Variants in CLEC20A observed in about 807,000 individuals in gnomAD.
CLEC20A encodes putative C-type lectin domain family 20 member A.
At chr1:178,487,587 G>T (rs919061932) in intron 5 of CLEC20A, among the ~76,000 whole-genome samples, 3 of 152,306 alleles carry the variant, frequency 2.0e-5, no homozygotes, top group African/African-American at 7.2e-5. Context: ...TACAGGGGGG[G>T]ATGCTCCCCT....
intron 7 of CLEC20A, chr1:178,481,541 TC>T (rs1648986527): frequency 1.3e-5 from 2 of 152,198 alleles, no homozygotes; most frequent in Non-Finnish European, 2.9e-5. Flanking sequence ...GAAGCTTTTC[TC>T]TCAGTATTTA....
intron 7 of CLEC20A, chr1:178,480,651 G>A (rs1039311029): frequency 7.9e-5 from 12 of 152,184 alleles, no homozygotes; most frequent in African/African-American, 1.7e-4. Context: ...GCGTGGTGGC[G>A]GGCACCTGTA....
chr1:178,498,232 C>T (rs1157450026), upstream of CLEC20A, among the ~76,000 whole-genome samples: 3 of 152,006 alleles, frequency 2.0e-5, no homozygotes, highest in South Asian at 4.2e-4. Flanking sequence ...GTGATGGCCC[C>T]GACAAGTTCT....
chr1:178,499,529 C>T (rs1340697239), upstream of CLEC20A: 1 of 152,210 alleles, frequency 6.6e-6, no homozygotes, highest in Non-Finnish European at 1.5e-5. Context: ...TTGGCCTCAA[C>T]ATACATCGTT....
At chr1:178,483,399 A>G in intron 5 of CLEC20A, 117 bp from the exon 6 acceptor site, 1 of 395,338 alleles carries the variant, frequency 2.5e-6, no homozygotes, top group East Asian at 3.6e-5. Flanking sequence ...CTAGGCACAC[A>G]GTTGCTGCAG....
chr1:178,487,087 GCTGCGCCCGGGAC>G lies in CLEC20A; in HGVS notation c.928+1401_928+1413del, dbSNP rs1408450979. Reference sequence around the variant, plus strand: ...CAGAGAGAAGACTTCTGTGGGGTCCGCTGCGCCCGGGACCCCTCCCAAAGCCGAGGGCAAGAAG... The same window carrying G: ...CAGAGAGAAGACTTCTGTGGGGTCCGCCCTCCCAAAGCCGAGGGCAAGAAG... On this transcript the variant is annotated intron_variant, in intron 5 of 7. Coordinates refer to ENST00000623247, the Ensembl canonical transcript of CLEC20A. Among the ~76,000 whole-genome samples the G allele has an allele frequency of 2.6e-5, 4 of 152,294 alleles. No homozygotes were observed. The East Asian group carries it at 5.8e-4, about 22-fold the overall frequency.
At chr1:178,490,571 C>T (rs1020262061) in intron 3 of CLEC20A, 134 bp from the exon 4 acceptor site, 2 of 396,980 alleles carry the variant, frequency 5.0e-6, no homozygotes, top group Admixed American at 8.8e-5. Context: ...TAGATTTGAT[C>T]AAAACAACAG....
Position 178,488,482 on chromosome 1 carries a change from A to G in CLEC20A, c.928+19T>C. On this transcript the variant is annotated intron_variant, in intron 5 of 7. Coordinates refer to ENST00000623247, the Ensembl canonical transcript of CLEC20A. ...AGACCCTGAAGACCCAGATCCAGCC[A>G]AGGGCAGGCTCAAAGCACCTCTGCC... 2.5e-6 allele frequency: 1 copy of G among 398,780 alleles called. No homozygotes were observed. Among genetic ancestry groups the G allele is most frequent in the Non-Finnish European group, 4.4e-6 (1 of 226,148 alleles). 24.7% of individuals were successfully genotyped at this position (398,780 alleles called of 1,614,324 possible).
chr1:178,482,475 G>A (rs185456630), intron 6 of CLEC20A, 78 bp from the exon 7 acceptor site: 22 of 397,722 alleles, frequency 5.5e-5, no homozygotes, highest in African/African-American at 3.1e-4. Flanking sequence ...AGGAGCACCC[G>A]GTGGACACCA....
At chr1:178,486,862 G>A (rs1247850559) in intron 5 of CLEC20A, 18 of 398,262 alleles carry the variant, frequency 4.5e-5, no homozygotes, top group Non-Finnish European at 7.1e-5. Flanking sequence ...GGTGCCCCCC[G>A]GGGCCGCGAG....
intron 5 of CLEC20A, 164 bp from the exon 6 acceptor site, chr1:178,483,446 C>T (rs929745023): frequency 2.0e-5 from 8 of 392,412 alleles, no homozygotes; most frequent in Non-Finnish European, 3.1e-5. Flanking sequence ...CCTGCCAATC[C>T]CTGACTCACC....
chr1:178,482,700 G>T (rs1206012693), intron 6 of CLEC20A: 3 of 248,436 alleles, frequency 1.2e-5, no homozygotes, highest in African/African-American at 6.6e-5. Flanking sequence ...AATCCAGTAA[G>T]TAGATACTCC....
chr1:178,486,587 C>G, intron 5 of CLEC20A: 1 of 398,690 alleles, frequency 2.5e-6, no homozygotes, highest in Non-Finnish European at 4.4e-6. Context: ...AGAGAGCTCC[C>G]TTGAGCCTGG....
chr1:178,496,730 G>A (rs1043236168), intron 1 of CLEC20A, 170 bp downstream of exon 1: 14 of 397,464 alleles, frequency 3.5e-5, no homozygotes, highest in Non-Finnish European at 5.8e-5. Context: ...CGATGAGGGC[G>A]AAGCTCCCTT....
At chr1:178,480,205 A>G (rs928455560) in intron 7 of CLEC20A, 9 of 152,122 alleles carry the variant, frequency 5.9e-5, no homozygotes, top group African/African-American at 1.9e-4. Context: ...AAAACTGACA[A>G]TATATACTCA....
exon 7 of CLEC20A, chr1:178,482,382 A>G (rs148332245): frequency 5.4e-4 from 216 of 398,628 alleles, no homozygotes; most frequent in African/African-American, 3.4e-3. Flanking sequence ...TGCTTTCAAG[A>G]TTCCAAAAGG....
intron 3 of CLEC20A, among the ~76,000 whole-genome samples, chr1:178,491,505 G>A (rs993583956): frequency 3.3e-5 from 5 of 152,090 alleles, no homozygotes; most frequent in African/African-American, 1.2e-4. Flanking sequence ...TATGCATGTG[G>A]CCTGTGTCAT....
At chr1:178,484,614 C>A in intron 5 of CLEC20A, 1 of 152,182 alleles carries the variant, frequency 6.6e-6, no homozygotes, top group South Asian at 2.1e-4. Context: ...CCCAGGAGTT[C>A]AAGGCTGCAG....
At chr1:178,485,087 C>T (rs1649102062) in intron 5 of CLEC20A, among the ~76,000 whole-genome samples, 2 of 152,224 alleles carry the variant, frequency 1.3e-5, no homozygotes, top group African/African-American at 2.4e-5. Context: ...TCACTGTTAA[C>T]ATTGTCACAC....
Sources: gnomAD v4.1 joint callset for allele counts (sites outside exome capture counted in the v4.1 genomes callset) on GRCh38, gnomAD v4.1.1 for gene constraint, MANE v1.5 for transcripts, NCBI Gene and HGNC (gene_info 2026-07-23, HGNC 2026-07-21) for gene names.